RFX2: variants seen among roughly 807,000 people sequenced by gnomAD.
The protein encoded by RFX2 is DNA-binding protein RFX2.
A neutral mutation model predicts 87.8 loss-of-function variants in RFX2; 20 were observed. That is an observed-to-expected ratio of 0.23 (90% CI 0.16 to 0.33). The LOEUF is 0.33. Ranked by LOEUF, RFX2 falls within the 10% of genes least tolerant of loss-of-function variation. The pLI, the probability that RFX2 is intolerant of heterozygous loss-of-function variation, is 1.00. For missense variants in RFX2, 767 were observed against 1,012.3 expected (o/e 0.76, Z 3.29); for synonymous variants, 397 against 431.3 (o/e 0.92, Z 0.98).
In RFX2 at chr19:6,083,660, C is replaced by T. The variant is rs1458345031; in HGVS notation, c.-9+26733G>A. On this transcript the variant is annotated intron_variant, in intron 1 of 17. Coordinates refer to ENST00000303657, the MANE Select transcript of RFX2 (RefSeq NM_000635.4). This position sits in a 1 kb window ranked among gnomAD's most constrained non-coding sequence, Gnocchi z 4.6. ...CAAACATGGCTCACTGCAGCCTCCA[C>T]TTCCAGAGCTCAAGTGATCCTCCTG... 2.0e-5 allele frequency among the ~76,000 whole-genome samples: 3 copies of T among 151,946 alleles called. No individual in the cohort carries two copies. The East Asian group carries it at 5.8e-4, about 29-fold the overall frequency.
At chr19:6,051,880 A>G (rs548165410) in intron 1 of RFX2, among the ~76,000 whole-genome samples, 1 of 152,112 alleles carries the variant, frequency 6.6e-6, no homozygotes, top group South Asian at 2.1e-4. Flanking sequence ...TTTTATTTTT[A>G]TTTATTTATT....
At chr19:6,015,987 T>C in intron 7 of RFX2, 103 bp downstream of exon 7, 1 of 1,178,500 alleles carries the variant, frequency 8.5e-7, no homozygotes, top group Non-Finnish European at 1.2e-6. Context: ...TGGCTGCGAA[T>C]CAGGCCACCT....
intron 3 of RFX2, among the ~76,000 whole-genome samples, chr19:6,043,301 C>A (rs553664714): frequency 5.9e-5 from 9 of 152,352 alleles, no homozygotes; most frequent in Admixed American, 3.3e-4. Flanking sequence ...CCCCGCTGGG[C>A]CTGTCTGGAG....
rs1256193810 is a variant in RFX2 at position 6,001,891 on chromosome 19, C to T, written c.1783G>A (p.Val595Ile). 4 of 1,613,296 alleles carry T rather than the reference C, an allele frequency of 2.5e-6. 1 individual carries two copies. The highest frequency in any genetic ancestry group is 2.2e-5 in the East Asian group (1 of 44,858). Reference sequence around the variant, plus strand: ...GGGCTGCCGGCATGCTGCTTCAGGACCTGGGTGACCACACTGTCCAGCCAG... The same window carrying T: ...GGGCTGCCGGCATGCTGCTTCAGGATCTGGGTGACCACACTGTCCAGCCAG... ...ASWLDSVVTQ[V>I]LKQHAGSPSF... is the part of the protein sequence containing the mutation. The change falls in exon 15 of 18, where the codon GTC (valine) becomes ATC (isoleucine). Residue 595 changes from valine to isoleucine, a missense_variant. By Grantham distance (29) the Val-to-Ile change is conservative. Around this residue, in one of 2 missense-constraint regions of RFX2, gnomAD observed 621 missense variants for 873.0 expected, o/e 0.71. Coordinates refer to ENST00000303657, the MANE Select transcript of RFX2 (RefSeq NM_000635.4). The surrounding 1 kb of genome is among the most constrained non-coding windows in gnomAD (Gnocchi z 5.6).
rs561165251 is a variant in RFX2, at chr19:6,013,969, C to T, written c.780-864G>A. 6.6e-6 allele frequency among the ~76,000 whole-genome samples: 1 copy of T among 152,126 alleles called. No individual in the cohort carries two copies. Among genetic ancestry groups the T allele is most frequent in the Admixed American group, 6.6e-5 (1 of 15,266 alleles). On this transcript the variant is annotated intron_variant, in intron 7 of 17. Transcript: ENST00000303657. This position sits in a 1 kb window ranked among gnomAD's most constrained non-coding sequence, Gnocchi z 4.1. Reference sequence around the variant, plus strand: ...TACCATTATTATTAACAACTCTTCCCCACCCCCTTCAATCATCTAGTAACA... The same window carrying T: ...TACCATTATTATTAACAACTCTTCCTCACCCCCTTCAATCATCTAGTAACA...
chr19:6,007,179 G>T lies in RFX2; in HGVS notation c.1248-13C>A, dbSNP rs776617781. The T allele has an allele frequency of 3.7e-6, 6 of 1,611,770 alleles. No homozygotes were observed. In the South Asian group the frequency reaches 6.6e-5, roughly 18 times the overall value. On this transcript the variant is annotated splice_polypyrimidine_tract_variant and intron_variant, in intron 11 of 17. Coordinates refer to ENST00000303657, the MANE Select transcript of RFX2 (RefSeq NM_000635.4). The surrounding 1 kb of genome is among the most constrained non-coding windows in gnomAD (Gnocchi z 8.2). ...GGGGTCTTCGTCACTGTGGAGGGAG[G>T]GGGGACAGGTGAGCTGTGGCCTGGC...
intron 1 of RFX2, among the ~76,000 whole-genome samples, chr19:6,067,373 G>A (rs2144822811): frequency 6.6e-6 from 1 of 152,316 alleles, no homozygotes; most frequent in Middle Eastern, 3.4e-3. Flanking sequence ...GCCTTGTGGG[G>A]CTTTGCCGGG....
intron 1 of RFX2, among the ~76,000 whole-genome samples, chr19:6,067,408 A>G (rs910491364): frequency 6.6e-6 from 1 of 152,178 alleles, no homozygotes; most frequent in Non-Finnish European, 1.5e-5. Context: ...TATCTTTGAC[A>G]TCACTGCGCC....
At chr19:6,106,195 T>G (rs1568200102) in intron 1 of RFX2, among the ~76,000 whole-genome samples, 1 of 152,082 alleles carries the variant, frequency 6.6e-6, no homozygotes. Flanking sequence ...TTTTCAGTTT[T>G]TTCTCTAATT....
intron 1 of RFX2, among the ~76,000 whole-genome samples, chr19:6,076,015 T>C (rs951073519): frequency 2.6e-5 from 4 of 152,154 alleles, no homozygotes; most frequent in African/African-American, 9.7e-5. Flanking sequence ...ACCCCTTTAC[T>C]TGGCTTTCGG....
chr19:6,000,763 G>A (rs2086480171), intron 15 of RFX2, among the ~76,000 whole-genome samples: 1 of 152,234 alleles, frequency 6.6e-6, no homozygotes, highest in Non-Finnish European at 1.5e-5. Context: ...ATTACCCAGT[G>A]TTGGGTATGT....
In RFX2 at chr19:6,002,883, G is replaced by C; in HGVS notation, c.1501-13C>G. 2 of 1,598,766 alleles carry C rather than the reference G, an allele frequency of 1.3e-6. No individual in the cohort carries two copies. The highest frequency in any genetic ancestry group is 1.7e-6 in the Non-Finnish European group (2 of 1,175,554). On this transcript the variant is annotated splice_polypyrimidine_tract_variant and intron_variant, in intron 13 of 17. Transcript: ENST00000303657. This position sits in a 1 kb window ranked among gnomAD's most constrained non-coding sequence, Gnocchi z 6.7. Reference sequence around the variant, plus strand: ...TGACGACGCCCACCTGTAAGCCAGGGCTCGTGGTGAGCAGGGGTTCGCAGG... The same window carrying C: ...TGACGACGCCCACCTGTAAGCCAGGCCTCGTGGTGAGCAGGGGTTCGCAGG...
In RFX2 at chr19:6,010,339, C is replaced by G; in HGVS notation, c.900-88G>C. On this transcript the variant is annotated intron_variant, in intron 8 of 17. Coordinates refer to ENST00000303657, the MANE Select transcript of RFX2 (RefSeq NM_000635.4). This position sits in a 1 kb window ranked among gnomAD's most constrained non-coding sequence, Gnocchi z 5.0. ...ACTGGGGGGCTGGGCAGGATTCAGT[C>G]AGGCATGTGTGTGTGATGTTTACAA... 1.2e-6 allele frequency: 1 copy of G among 816,962 alleles called. No homozygotes were observed. The highest frequency in any genetic ancestry group is 1.7e-5 in the African/African-American group (1 of 59,190). 50.6% of individuals were successfully genotyped at this position (816,962 alleles called of 1,614,324 possible). A position where few individuals can be genotyped will look rare whatever the true frequency, so the allele number is the denominator to read the frequency against.
At chr19:6,034,025 G>A (rs2086987145) in intron 5 of RFX2, among the ~76,000 whole-genome samples, 3 of 152,156 alleles carry the variant, frequency 2.0e-5, no homozygotes. Context: ...CTATGCAGGG[G>A]CTGAGCAGGC....
chr19:6,006,499 G>A (rs1302750675), intron 12 of RFX2, among the ~76,000 whole-genome samples: 1 of 142,260 alleles, frequency 7.0e-6, no homozygotes, highest in East Asian at 2.1e-4. Flanking sequence ...GAGTCAAGCT[G>A]AGTGCAGTGG....
rs1030825162 is a variant in RFX2 at position 6,001,647 on chromosome 19, G to T, written c.1859+168C>A. Among the ~76,000 whole-genome samples, 1 of 152,160 alleles carries T rather than the reference G, an allele frequency of 6.6e-6. No individual in the cohort carries two copies. Among genetic ancestry groups the T allele is most frequent in the Admixed American group, 6.5e-5 (1 of 15,274 alleles). On this transcript the variant is annotated intron_variant, in intron 15 of 17. Transcript: ENST00000303657. The surrounding 1 kb of genome is among the most constrained non-coding windows in gnomAD (Gnocchi z 5.6). ...CCTGCCCCTGGGAGCCGCTGGTCAT[G>T]AGTGAGGCCCCCAGCCAGGTAGTTG...
intron 6 of RFX2, among the ~76,000 whole-genome samples, chr19:6,018,819 C>T (rs534096616): frequency 6.6e-6 from 1 of 152,296 alleles, no homozygotes; most frequent in African/African-American, 2.4e-5. Context: ...TGACCACAAG[C>T]TCCCCTCCAG....
At chr19:6,005,407 G>T (rs776318439) in intron 12 of RFX2, among the ~76,000 whole-genome samples, 3 of 152,256 alleles carry the variant, frequency 2.0e-5, no homozygotes, top group Non-Finnish European at 4.4e-5. Context: ...GGCATGGCCT[G>T]TGGTCCTGAT....
chr19:6,043,303 T>C lies in RFX2; in HGVS notation c.180+890A>G, dbSNP rs187671139. Among the ~76,000 whole-genome samples, 32 of 152,344 alleles carry C rather than the reference T, an allele frequency of 2.1e-4. No homozygotes were observed. In the East Asian group the frequency reaches 4.2e-3, roughly 20 times the overall value. On this transcript the variant is annotated intron_variant, in intron 3 of 17. Coordinates refer to ENST00000303657, the MANE Select transcript of RFX2 (RefSeq NM_000635.4). ...TGAGGCCCTGCGTCCCCGCTGGGCC[T>C]GTCTGGAGCCTTTTCCTTCCTGTGA...
Sources: allele counts gnomAD v4.1 joint callset (sites outside exome capture counted in the v4.1 genomes callset), GRCh38; gene constraint gnomAD v4.1.1; regional missense constraint gnomAD v4.1.1; non-coding constraint Gnocchi (gnomAD v3.1); transcripts MANE v1.5; gene names NCBI Gene and HGNC (gene_info 2026-07-23, HGNC 2026-07-21).